Variants in ERBB4 observed in about 807,000 individuals in gnomAD.
The protein encoded by ERBB4 is receptor tyrosine-protein kinase erbB-4.
Under a neutral mutation model 158.0 loss-of-function variants are expected in ERBB4, and 42 were observed. That is an observed-to-expected ratio of 0.27 (90% CI 0.21 to 0.34). The LOEUF is 0.34. Among genes scored for constraint, ERBB4 ranks in the 10% least tolerant of loss-of-function variants. The pLI is 1.00. For synonymous variants in ERBB4, 583 were observed against 558.7 expected (o/e 1.04, Z -0.61); for missense variants, 1,333 against 1,624.1 (o/e 0.82, Z 3.08).
chr2:212,457,228 T>C (rs933998511), intron 1 of ERBB4, among the ~76,000 whole-genome samples: 11 of 152,074 alleles, frequency 7.2e-5, no homozygotes, highest in African/African-American at 2.2e-4. Context: ...TCTAAATATA[T>C]ATATTTTTAA....
intron 19 of ERBB4, among the ~76,000 whole-genome samples, chr2:211,607,246 A>AT (rs2069017801): frequency 6.6e-6 from 1 of 152,162 alleles, no homozygotes; most frequent in African/African-American, 2.4e-5. Context: ...CAAATGTTTC[A>AT]TTTTCATTTT....
intron 1 of ERBB4, among the ~76,000 whole-genome samples, chr2:212,473,238 C>CG (rs1689203984): frequency 1.3e-5 from 2 of 151,774 alleles, no homozygotes; most frequent in African/African-American, 4.8e-5. Context: ...CTGACAGGCT[C>CG]GGGGGTGTGA....
chr2:211,816,196 T>A (rs1295462015), intron 3 of ERBB4, among the ~76,000 whole-genome samples: 1 of 152,168 alleles, frequency 6.6e-6, no homozygotes, highest in Non-Finnish European at 1.5e-5. Flanking sequence ...TGTACAATGC[T>A]GATTAAATGT....
intron 1 of ERBB4, among the ~76,000 whole-genome samples, chr2:212,154,839 G>A (rs958919297): frequency 6.6e-6 from 1 of 152,076 alleles, no homozygotes; most frequent in Admixed American, 6.6e-5. Flanking sequence ...AGACAGCAGA[G>A]GTTATGAACC....
At chr2:211,757,318 C>T (rs1219262060) in intron 4 of ERBB4, among the ~76,000 whole-genome samples, 1 of 152,094 alleles carries the variant, frequency 6.6e-6, no homozygotes, top group Non-Finnish European at 1.5e-5. Flanking sequence ...AGGTATTCTT[C>T]CTTGCTAAAA....
intron 20 of ERBB4, among the ~76,000 whole-genome samples, chr2:211,500,145 C>T (rs1167747611): frequency 2.0e-5 from 3 of 152,048 alleles, no homozygotes; most frequent in Non-Finnish European, 4.4e-5. Context: ...ATGGTACAGT[C>T]GTCTGCTCTG....
chr2:212,205,130 G>GAGACAGAC (rs562881556), intron 1 of ERBB4, among the ~76,000 whole-genome samples: 4 of 151,916 alleles, frequency 2.6e-5, no homozygotes, highest in South Asian at 2.1e-4. Context: ...CTTCCAGACA[G>GAGACAGAC]AGACAGACAG....
At chr2:211,392,529 C>T (rs981874674) in intron 25 of ERBB4, among the ~76,000 whole-genome samples, 2 of 150,186 alleles carry the variant, frequency 1.3e-5, no homozygotes, top group Non-Finnish European at 3.0e-5. Flanking sequence ...TTCTGTGGGA[C>T]TCTACTTTTT....
chr2:212,389,454 T>C (rs2090783744), intron 1 of ERBB4, among the ~76,000 whole-genome samples: 2 of 152,178 alleles, frequency 1.3e-5, no homozygotes, highest in African/African-American at 4.8e-5. Flanking sequence ...AATATTTTCC[T>C]TATTTTCTTG....
intron 12 of ERBB4, among the ~76,000 whole-genome samples, chr2:211,699,307 G>A (rs976521046): frequency 5.5e-5 from 8 of 144,190 alleles, no homozygotes; most frequent in South Asian, 2.3e-4. Context: ...GAACATGTGC[G>A]TATGCTCATG....
intron 20 of ERBB4, among the ~76,000 whole-genome samples, chr2:211,514,547 G>A (rs1435221906): frequency 2.0e-5 from 3 of 152,092 alleles, no homozygotes; most frequent in African/African-American, 7.2e-5. Flanking sequence ...GGCTCCGTAA[G>A]GACTAATTCA....
intron 16 of ERBB4, among the ~76,000 whole-genome samples, chr2:211,638,036 T>C (rs1270787378): frequency 6.6e-6 from 1 of 152,114 alleles, no homozygotes; most frequent in Non-Finnish European, 1.5e-5. Context: ...TTATCTGTAT[T>C]GCTATATTCA....
chr2:211,701,932 T>C, intron 12 of ERBB4, 35 bp downstream of exon 12: 1 of 1,505,332 alleles, frequency 6.6e-7, no homozygotes, highest in Non-Finnish European at 9.2e-7. Context: ...AAAATTTAAG[T>C]TTCTATGTTT....
chr2:212,222,943 T>C (rs922330578), intron 1 of ERBB4, among the ~76,000 whole-genome samples: 3 of 151,552 alleles, frequency 2.0e-5, no homozygotes, highest in Non-Finnish European at 4.4e-5. Context: ...TTCCTGTTAG[T>C]GTCTTTAAAG....
At chr2:212,445,668 T>C (rs185873481) in intron 1 of ERBB4, among the ~76,000 whole-genome samples, 67 of 152,278 alleles carry the variant, frequency 4.4e-4, no homozygotes, top group African/African-American at 1.5e-3. Context: ...CCATGCCCTA[T>C]GATTGGGGTC....
intron 15 of ERBB4, among the ~76,000 whole-genome samples, chr2:211,661,955 C>T (rs1276117132): frequency 7.5e-6 from 1 of 133,582 alleles, no homozygotes; most frequent in Non-Finnish European, 1.6e-5. Context: ...AGGAGAATGG[C>T]GTGAACCCGG....
chr2:212,382,822 T>C (rs73060362), intron 1 of ERBB4, among the ~76,000 whole-genome samples: 5 of 151,424 alleles, frequency 3.3e-5, no homozygotes, highest in African/African-American at 7.2e-5. Flanking sequence ...TTAAACAATT[T>C]ATCATGTTTT....
At chr2:211,424,372 T>C in intron 22 of ERBB4, 71 bp from the exon 23 acceptor site, 1 of 1,095,162 alleles carries the variant, frequency 9.1e-7, no homozygotes, top group Admixed American at 1.9e-5. Flanking sequence ...ACTATACCAG[T>C]AGTAAAAGAA....
intron 12 of ERBB4, among the ~76,000 whole-genome samples, chr2:211,697,564 C>A (rs779626823): frequency 1.3e-5 from 2 of 151,930 alleles, no homozygotes; most frequent in African/African-American, 4.8e-5. Context: ...GTAAATAGTT[C>A]TTTCAAATTT....
Sources: allele counts gnomAD v4.1 joint callset (sites outside exome capture counted in the v4.1 genomes callset), GRCh38; gene constraint gnomAD v4.1.1; transcripts MANE v1.5; gene names NCBI Gene and HGNC (gene_info 2026-07-23, HGNC 2026-07-21).